CDH12: variants seen among roughly 807,000 people sequenced by gnomAD.
CDH12 encodes the protein cadherin-12.
In CDH12, 41 loss-of-function variants were observed where a neutral mutation model predicts 74.1. The ratio of observed to expected loss-of-function variants is 0.55; its 90% CI spans 0.43 to 0.72. CDH12 has a LOEUF of 0.72. Among genes scored for constraint, CDH12 ranks in the 30% least tolerant of loss-of-function variants. The pLI is 0.00. For synonymous variants in CDH12, 399 were observed against 355.0 expected (o/e 1.12, Z -1.39); for missense variants, 945 against 977.2 (o/e 0.97, Z 0.44).
intron 1 of CDH12, among the ~76,000 whole-genome samples, chr5:22,776,040 C>A (rs1747082947): frequency 6.6e-6 from 1 of 152,098 alleles, no homozygotes; most frequent in African/African-American, 2.4e-5. Flanking sequence ...GCCTCCCCAG[C>A]CATGTGGAAC....
intron 3 of CDH12, among the ~76,000 whole-genome samples, chr5:22,310,113 A>G (rs1038654535): frequency 8.6e-5 from 13 of 151,884 alleles, no homozygotes; most frequent in African/African-American, 2.4e-4. Context: ...GCAAATCTGT[A>G]TGTTCTGCAC....
chr5:22,533,814 G>A (rs1325508268), intron 1 of CDH12, among the ~76,000 whole-genome samples: 2 of 152,130 alleles, frequency 1.3e-5, no homozygotes, highest in African/African-American at 4.8e-5. Flanking sequence ...ATTAAATTTA[G>A]AGGAGTTTTT....
intron 5 of CDH12, among the ~76,000 whole-genome samples, chr5:21,986,651 A>C (rs1757527208): frequency 6.6e-6 from 1 of 152,202 alleles, no homozygotes; most frequent in South Asian, 2.1e-4. Context: ...ATTTTGAATA[A>C]CAGTAAATTT....
chr5:22,636,716 A>T (rs1400328066), intron 1 of CDH12, among the ~76,000 whole-genome samples: 1 of 152,246 alleles, frequency 6.6e-6, no homozygotes, highest in Non-Finnish European at 1.5e-5. Flanking sequence ...GGAAAGGGTG[A>T]TGAAAATATT....
intron 2 of CDH12, among the ~76,000 whole-genome samples, chr5:22,453,769 G>A (rs1580665526): frequency 6.6e-6 from 1 of 152,008 alleles, no homozygotes; most frequent in African/African-American, 2.4e-5. Context: ...AACTATCTGA[G>A]GTGATAGATA....
intron 9 of CDH12, among the ~76,000 whole-genome samples, chr5:21,805,659 A>T (rs971675178): frequency 2.0e-5 from 3 of 152,150 alleles, no homozygotes; most frequent in Non-Finnish European, 4.4e-5. Context: ...ACCAGCAGTG[A>T]TCTGTCTTTA....
intron 3 of CDH12, among the ~76,000 whole-genome samples, chr5:22,234,559 G>A (rs1752494851): frequency 6.6e-6 from 1 of 150,520 alleles, no homozygotes; most frequent in African/African-American, 2.4e-5. Context: ...TCAGTCTTGG[G>A]TATGTGGGGT....
chr5:22,117,408 C>A, intron 4 of CDH12, among the ~76,000 whole-genome samples: 1 of 124,454 alleles, frequency 8.0e-6, no homozygotes, highest in South Asian at 2.4e-4. Context: ...TATTCTATTC[C>A]CTAAAATTAT....
chr5:22,274,935 G>T (rs1022740822), intron 3 of CDH12, among the ~76,000 whole-genome samples: 3 of 152,106 alleles, frequency 2.0e-5, no homozygotes, highest in Admixed American at 2.0e-4. Context: ...ATAACAGATA[G>T]CCAACCTTTC....
At chr5:22,420,460 T>G (rs909056150) in intron 2 of CDH12, among the ~76,000 whole-genome samples, 1 of 152,286 alleles carries the variant, frequency 6.6e-6, no homozygotes, top group African/African-American at 2.4e-5. Context: ...TTTTGTCAGA[T>G]TTGTCAAAGA....
At chr5:21,779,228 T>A (rs1745773448) in intron 11 of CDH12, 1 of 152,104 alleles carries the variant, frequency 6.6e-6, no homozygotes, top group African/African-American at 2.4e-5. Context: ...TTTTTCCTTT[T>A]GTTAATTTTG....
chr5:22,235,024 A>G (rs1752514764), intron 3 of CDH12, among the ~76,000 whole-genome samples: 1 of 152,186 alleles, frequency 6.6e-6, no homozygotes, highest in African/African-American at 2.4e-5. Context: ...AAAATAGCTT[A>G]CAAGCATATG....
chr5:22,727,072 A>T (rs1744199399), intron 1 of CDH12, among the ~76,000 whole-genome samples: 2 of 151,830 alleles, frequency 1.3e-5, no homozygotes, highest in Admixed American at 1.3e-4. Flanking sequence ...TGTATATAAT[A>T]GGAGTACAAG....
intron 3 of CDH12, among the ~76,000 whole-genome samples, chr5:22,389,349 G>T (rs1013602760): frequency 9.2e-5 from 14 of 152,016 alleles, no homozygotes; most frequent in African/African-American, 3.1e-4. Flanking sequence ...AGGACAAGCT[G>T]ACTTAAACAG....
chr5:22,537,497 C>T (rs1737904223), intron 1 of CDH12, among the ~76,000 whole-genome samples: 1 of 152,172 alleles, frequency 6.6e-6, no homozygotes, highest in Admixed American at 6.5e-5. Flanking sequence ...CTAAGGTCAG[C>T]ATGGCCATAA....
chr5:22,595,325 T>C (rs566381459), intron 1 of CDH12, among the ~76,000 whole-genome samples: 80 of 152,286 alleles, frequency 5.3e-4, no homozygotes, highest in African/African-American at 1.8e-3. Context: ...TCACAGGTCA[T>C]AGCCAAGTCA....
chr5:22,367,996 G>A (rs1463115515), intron 3 of CDH12, among the ~76,000 whole-genome samples: 3 of 151,986 alleles, frequency 2.0e-5, no homozygotes, highest in African/African-American at 4.8e-5. Context: ...CCAGAAATAC[G>A]AAGTAAATTC....
chr5:22,341,188 A>G (rs1739831402), intron 3 of CDH12, among the ~76,000 whole-genome samples: 1 of 152,168 alleles, frequency 6.6e-6, no homozygotes, highest in Admixed American at 6.5e-5. Context: ...AAACAAACAG[A>G]TATTCTTTTA....
At chr5:22,396,830 T>C (rs1473816091) in intron 3 of CDH12, among the ~76,000 whole-genome samples, 1 of 152,110 alleles carries the variant, frequency 6.6e-6, no homozygotes, top group Admixed American at 6.6e-5. Context: ...CATTGGTTTC[T>C]TTAACTCTTT....
Sources: allele counts gnomAD v4.1 joint callset (sites outside exome capture counted in the v4.1 genomes callset), GRCh38; gene constraint gnomAD v4.1.1; transcripts MANE v1.5; gene names NCBI Gene and HGNC (gene_info 2026-07-23, HGNC 2026-07-21).